The following PRKCA variants were observed in gnomAD, a reference collection of about 807,000 sequenced individuals.
PRKCA encodes the protein protein kinase C alpha type.
PRKCA carries 27 observed loss-of-function variants against 87.0 expected under a neutral mutation model. The ratio of observed to expected loss-of-function variants is 0.31; its 90% CI spans 0.23 to 0.43. The LOEUF (loss-of-function observed/expected upper bound fraction) is 0.43, where lower values mean the gene tolerates loss of function less well. Ranked by LOEUF, PRKCA falls within the 20% of genes least tolerant of loss-of-function variation. PRKCA has a pLI of 1.00. For missense variants in PRKCA, 518 were observed against 852.3 expected (o/e 0.61, Z 4.88); for synonymous variants, 329 against 311.1 (o/e 1.06, Z -0.61).
chr17:66,349,389 C>T (rs1452570649), intron 2 of PRKCA, among the ~76,000 whole-genome samples: 2 of 152,116 alleles, frequency 1.3e-5, no homozygotes, highest in East Asian at 3.9e-4. Context: ...CAAGGTTGCA[C>T]ATGTCTTAGG....
intron 16 of PRKCA, among the ~76,000 whole-genome samples, chr17:66,791,843 G>T (rs966066264): frequency 6.6e-6 from 1 of 152,244 alleles, no homozygotes; most frequent in African/African-American, 2.4e-5. Flanking sequence ...GCGTAGAAAA[G>T]TTATTCTGGG....
At chr17:66,616,836 G>A (rs114381422) in intron 3 of PRKCA, among the ~76,000 whole-genome samples, 1,582 of 152,126 alleles carry the variant, frequency 0.01, 32 homozygotes, top group African/African-American at 0.036. Flanking sequence ...ACAGAGGAGG[G>A]AGAGGGGGCT....
Position 66,321,852 on chromosome 17 carries a change from T to A in PRKCA, c.205+15725T>A, listed in dbSNP as rs368428809. Reference sequence around the variant, plus strand: ...TAGCTAACTTGTCTTAAAAAAATCTTTGATAGTTCCCAGAATGAAGGGCTG... The same window carrying A: ...TAGCTAACTTGTCTTAAAAAAATCTATGATAGTTCCCAGAATGAAGGGCTG... On this transcript the variant is annotated intron_variant, in intron 2 of 16. Coordinates refer to ENST00000413366, the MANE Select transcript of PRKCA (RefSeq NM_002737.3). Among the ~76,000 whole-genome samples the A allele has an allele frequency of 1.2e-4, 19 of 152,290 alleles. No homozygotes were observed. The East Asian group carries it at 2.1e-3, about 17-fold the overall frequency.
chr17:66,377,091 T>A (rs907228824), intron 2 of PRKCA, among the ~76,000 whole-genome samples: 14 of 152,252 alleles, frequency 9.2e-5, no homozygotes, highest in African/African-American at 3.4e-4. Flanking sequence ...AATGGCATGA[T>A]CTCAGCTCAC....
intron 2 of PRKCA, among the ~76,000 whole-genome samples, chr17:66,318,249 A>G (rs1171995120): frequency 1.3e-5 from 2 of 152,244 alleles, no homozygotes; most frequent in Non-Finnish European, 2.9e-5. Context: ...TAATTAAAAA[A>G]TGAGGCTTTG....
chr17:66,544,236 C>G (rs1487789395), intron 3 of PRKCA, among the ~76,000 whole-genome samples: 1 of 151,974 alleles, frequency 6.6e-6, no homozygotes, highest in Admixed American at 6.6e-5. Context: ...ACAACAACTA[C>G]AAAAGATTTC....
chr17:66,728,416 T>C (rs1366031225), intron 8 of PRKCA, among the ~76,000 whole-genome samples: 1 of 152,240 alleles, frequency 6.6e-6, no homozygotes, highest in Non-Finnish European at 1.5e-5. Context: ...GAAAAGAATC[T>C]GCCCAGGCAG....
At chr17:66,782,713 C>A (rs1199305198) in intron 14 of PRKCA, among the ~76,000 whole-genome samples, 1 of 152,226 alleles carries the variant, frequency 6.6e-6, no homozygotes, top group African/African-American at 2.4e-5. Flanking sequence ...CCCCAACACC[C>A]TTGCCCTCAT....
chr17:66,560,819 T>A (rs1368776980), intron 3 of PRKCA, among the ~76,000 whole-genome samples: 1 of 152,206 alleles, frequency 6.6e-6, no homozygotes, highest in Non-Finnish European at 1.5e-5. Flanking sequence ...AAGCCCTGGA[T>A]GTCATTCTGC....
intron 8 of PRKCA, among the ~76,000 whole-genome samples, chr17:66,710,998 G>A (rs765343816): frequency 4.0e-5 from 6 of 151,872 alleles, no homozygotes; most frequent in Non-Finnish European, 7.4e-5. Context: ...AGCCGAGATC[G>A]CACCATTGCA....
intron 3 of PRKCA, among the ~76,000 whole-genome samples, chr17:66,630,358 G>GC (rs1294684691): frequency 2.6e-5 from 4 of 152,114 alleles, no homozygotes; most frequent in Non-Finnish European, 1.5e-5. Flanking sequence ...TTGTATTATT[G>GC]CCCCCCACTA....
intron 3 of PRKCA, among the ~76,000 whole-genome samples, chr17:66,512,548 A>G (rs1645554113): frequency 6.6e-6 from 1 of 151,644 alleles, no homozygotes; most frequent in Non-Finnish European, 1.5e-5. Flanking sequence ...TGGCTCCTGC[A>G]CACCTCACTG....
At chr17:66,627,327 G>A (rs1970884812) in intron 3 of PRKCA, among the ~76,000 whole-genome samples, 1 of 152,138 alleles carries the variant, frequency 6.6e-6, no homozygotes, top group African/African-American at 2.4e-5. Context: ...ATGTATCAAT[G>A]AGTACTATTT....
intron 2 of PRKCA, among the ~76,000 whole-genome samples, chr17:66,436,084 A>G (rs62070397): frequency 0.042 from 6,359 of 152,274 alleles, 195 homozygotes; most frequent in Admixed American, 0.075. Flanking sequence ...ATTTTCAGGC[A>G]TTATGGAGAA....
intron 2 of PRKCA, among the ~76,000 whole-genome samples, chr17:66,372,322 T>G (rs1336783265): frequency 6.6e-6 from 1 of 152,222 alleles, no homozygotes; most frequent in Non-Finnish European, 1.5e-5. Context: ...CTACAAGATG[T>G]GCATGTATTA....
chr17:66,422,530 A>G (rs1912550757), intron 2 of PRKCA, among the ~76,000 whole-genome samples: 1 of 152,170 alleles, frequency 6.6e-6, no homozygotes, highest in Non-Finnish European at 1.5e-5. Context: ...TAGTTTCAAA[A>G]TGTTCTAAAG....
rs1051357676 is a variant in PRKCA, at chr17:66,805,260, T to C, written c.*1223T>C. On this transcript the variant is annotated 3_prime_UTR_variant, in exon 17 of 17. Transcript: ENST00000413366. ...TTAATAGAAGGATTTTAATACGTTTTGCAAATGCATCATGCAATGAATTTT... is the reference window on the plus strand; with the variant it reads ...TTAATAGAAGGATTTTAATACGTTTCGCAAATGCATCATGCAATGAATTTT... 1.9e-6 allele frequency: 1 copy of C among 535,704 alleles called. No individual in the cohort carries two copies. The highest frequency in any genetic ancestry group is 2.4e-6 in the Non-Finnish European group (1 of 419,308). The allele number at this position is 535,704 out of a possible 1,614,324, so 33.2% of individuals were successfully genotyped here.
At chr17:66,408,840 C>T (rs1258160985) in intron 2 of PRKCA, among the ~76,000 whole-genome samples, 4 of 151,128 alleles carry the variant, frequency 2.6e-5, no homozygotes, top group Admixed American at 2.6e-4. Context: ...GATCACAAGG[C>T]TAGGAGTTCA....
intron 16 of PRKCA, among the ~76,000 whole-genome samples, chr17:66,798,233 A>G (rs1293280801): frequency 6.6e-6 from 1 of 152,246 alleles, no homozygotes; most frequent in African/African-American, 2.4e-5. Flanking sequence ...ATTGCCCATC[A>G]AGCTCATGGT....
Sources: gnomAD v4.1 joint callset for allele counts (sites outside exome capture counted in the v4.1 genomes callset) on GRCh38, gnomAD v4.1.1 for gene constraint, MANE v1.5 for transcripts, NCBI Gene and HGNC (gene_info 2026-07-23, HGNC 2026-07-21) for gene names.